The following PTK7 variants were observed in gnomAD, a reference collection of about 807,000 sequenced individuals.
PTK7 encodes the protein inactive tyrosine-protein kinase 7.
Under a neutral mutation model 116.6 loss-of-function variants are expected in PTK7, and 39 were observed. That is an observed-to-expected ratio of 0.33 (90% CI 0.26 to 0.44). The LOEUF (loss-of-function observed/expected upper bound fraction) is 0.44, where lower values mean the gene tolerates loss of function less well. PTK7 is among the 20% of genes least tolerant of loss of function. The probability of loss-of-function intolerance (pLI) is 1.00; values close to 1 mark genes in which losing one functional copy is unlikely to be tolerated. For synonymous variants in PTK7, 546 were observed against 563.6 expected, an observed-to-expected ratio of 0.97 and a Z score of 0.44; for missense variants, 1,169 against 1,425.6, an observed-to-expected ratio of 0.82 and a Z score of 2.90.
At chr6:43,095,457 GT>G (rs774038955) in intron 1 of PTK7, among the ~76,000 whole-genome samples, 56 of 146,238 alleles carry the variant, frequency 3.8e-4, no homozygotes, top group Non-Finnish European at 7.5e-4. Flanking sequence ...CCTTCTACCT[GT>G]TCACTTCTGT....
intron 17 of PTK7, among the ~76,000 whole-genome samples, chr6:43,149,723 T>A (rs1444419704): frequency 6.6e-6 from 1 of 152,230 alleles, no homozygotes; most frequent in Non-Finnish European, 1.5e-5. Context: ...TTACTCATGA[T>A]CTGGTGTGCA....
In PTK7 at chr6:43,160,892, C is replaced by G; in HGVS notation, c.*11C>G. ...GACAGCAAGCCGTGAGGAGGGAGCC[C>G]GCTCAGGATGGCCTGGGCAGGGGAG... On this transcript the variant is annotated 3_prime_UTR_variant, in exon 20 of 20. Coordinates refer to ENST00000230419, the MANE Select transcript of PTK7 (RefSeq NM_002821.5). The G allele has an allele frequency of 6.2e-7, 1 of 1,612,982 alleles. No individual in the cohort carries two copies. The highest frequency in any genetic ancestry group is 8.5e-7 in the Non-Finnish European group (1 of 1,179,738).
rs747878503 is a variant in PTK7, at chr6:43,146,707, A to G, written c.2721+9A>G. 6.2e-7 allele frequency: 1 copy of G among 1,610,782 alleles called. No individual in the cohort carries two copies. On this transcript the variant is annotated intron_variant, in intron 17 of 19. Coordinates refer to ENST00000230419, the MANE Select transcript of PTK7 (RefSeq NM_002821.5). ...TCAGCACCAAGCAGAAGGTGAGGAC[A>G]GGGAGTGAAGGAGGGAGGGAGAGGG...
chr6:43,151,282 G>T (rs1309279387), intron 17 of PTK7, among the ~76,000 whole-genome samples: 1 of 146,566 alleles, frequency 6.8e-6, no homozygotes, highest in East Asian at 2.0e-4. Context: ...AGTGATCTCT[G>T]CTCACTGCAA....
At position 43,143,379 on chromosome 6, in the gene PTK7, T is replaced by C; in HGVS notation, c.2048-38T>C. ...GTAGAGAAGCAGGGCTTCTTTTGCT[T>C]AGCAGCCCCTGCCCAGACCCATCTG... On this transcript the variant is annotated intron_variant, in intron 13 of 19. Transcript: ENST00000230419. The surrounding 1 kb of genome is among the most constrained non-coding windows in gnomAD (Gnocchi z 4.2). The C allele has an allele frequency of 6.3e-7, 1 of 1,589,414 alleles. No homozygotes were observed. Among genetic ancestry groups the C allele is most frequent in the African/African-American group, 1.4e-5 (1 of 73,768 alleles).
chr6:43,143,400 A>ATCTGTGTG lies in PTK7; in HGVS notation c.2048-13_2048-6dup. On this transcript the variant is annotated splice_polypyrimidine_tract_variant and intron_variant, in intron 13 of 19. Coordinates refer to ENST00000230419, the MANE Select transcript of PTK7 (RefSeq NM_002821.5). This position sits in a 1 kb window ranked among gnomAD's most constrained non-coding sequence, Gnocchi z 4.2. ...TGCTTAGCAGCCCCTGCCCAGACCC[A>ATCTGTGTG]TCTGTGTGTCTCTCAGACAAGCCTG... 1 of 1,612,496 alleles carries ATCTGTGTG rather than the reference A, an allele frequency of 6.2e-7. No individual in the cohort carries two copies. The highest frequency in any genetic ancestry group is 8.5e-7 in the Non-Finnish European group (1 of 1,179,458).
Position 43,104,836 on chromosome 6 carries a change from G to A in PTK7, c.80-24141G>A, listed in dbSNP as rs371752904. On this transcript the variant is annotated intron_variant, in intron 1 of 19. Transcript: ENST00000230419. ...TTTTTTTTTTTTTTTTTTTTGAGACGGAGTCTCACTCTGTCGCCCAGGCTG... is the reference window on the plus strand; with the variant it reads ...TTTTTTTTTTTTTTTTTTTTGAGACAGAGTCTCACTCTGTCGCCCAGGCTG... Among the ~76,000 whole-genome samples, 89 of 129,538 alleles carry A rather than the reference G, an allele frequency of 6.9e-4. 1 individual carries two copies. The highest frequency in any genetic ancestry group is 3.0e-3 in the Admixed American group (36 of 12,024). The allele number at this position is 129,538 out of a possible 152,430, so 85.0% of individuals were successfully genotyped here.
At position 43,145,397 on chromosome 6, in the gene PTK7, G is replaced by C; in HGVS notation, c.2605G>C (p.Glu869Gln). 1 of 1,608,864 alleles carries C rather than the reference G, an allele frequency of 6.2e-7. No homozygotes were observed. The highest frequency in any genetic ancestry group is 8.5e-7 in the Non-Finnish European group (1 of 1,177,016). Residue 869 changes from glutamate (E) to glutamine (Q), a missense_variant, in exon 16 of 20, where the codon GAG (glutamate) becomes CAG (glutamine). Around this residue, in one of 3 missense-constraint regions of PTK7, gnomAD observed 678 missense variants for 853.8 expected, o/e 0.79. Coordinates refer to ENST00000230419, the MANE Select transcript of PTK7 (RefSeq NM_002821.5). This position sits in a 1 kb window ranked among gnomAD's most constrained non-coding sequence, Gnocchi z 4.8. The stretch of plus-strand genomic sequence containing the variant: ...GCTCCTGGGGCTGTGCCGGGAGGCT[G>C]AGCCCCACTACATGGTGCTGGAATA... ...VRLLGLCREA[E>Q]PHYMVLEYVD...
rs1381484059 is a variant in PTK7, at chr6:43,139,555, C to T, written c.1618+30C>T. ...GTACAGTGCCGGCATAGGGTAGGGG[C>T]AGGCAGGCAGTTCACTGATCAGATA... On this transcript the variant is annotated intron_variant, in intron 10 of 19. Transcript: ENST00000230419. This position sits in a 1 kb window ranked among gnomAD's most constrained non-coding sequence, Gnocchi z 4.6. 5.0e-6 allele frequency: 8 copies of T among 1,612,388 alleles called. No homozygotes were observed. Among genetic ancestry groups the T allele is most frequent in the Non-Finnish European group, 6.8e-6 (8 of 1,179,464 alleles).
rs112390517 is a variant in PTK7 at position 43,124,395 on chromosome 6, C to T, written c.80-4582C>T. ...TGTCTGCTTCCCCAAAACAAAACAG[C>T]GGACCAAAGCCAGGCACAGTGGCTC... On this transcript the variant is annotated intron_variant, in intron 1 of 19. Coordinates refer to ENST00000230419, the MANE Select transcript of PTK7 (RefSeq NM_002821.5). Among the ~76,000 whole-genome samples the T allele has an allele frequency of 1.8e-3, 270 of 152,284 alleles. 3 individuals are homozygous for T. The highest frequency in any genetic ancestry group is 5.9e-3 in the African/African-American group (246 of 41,556).
chr6:43,089,549 C>G (rs1191724547), intron 1 of PTK7, among the ~76,000 whole-genome samples: 1 of 152,236 alleles, frequency 6.6e-6, no homozygotes, highest in Non-Finnish European at 1.5e-5. Context: ...CTGTCGATCT[C>G]TTAATAGTTC....
chr6:43,109,171 T>C (rs908910431), intron 1 of PTK7, among the ~76,000 whole-genome samples: 3 of 152,196 alleles, frequency 2.0e-5, no homozygotes, highest in Non-Finnish European at 4.4e-5. Context: ...CATTGGCTGA[T>C]GGGAGCCTCT....
At chr6:43,158,729 T>C (rs1297170447) in intron 17 of PTK7, 88 bp from the exon 18 acceptor site, 3 of 1,400,888 alleles carry the variant, frequency 2.1e-6, no homozygotes, top group African/African-American at 1.4e-5. Flanking sequence ...ACACCAATAG[T>C]GTTGAAACGC....
intron 7 of PTK7, among the ~76,000 whole-genome samples, chr6:43,137,182 G>A (rs1227988779): frequency 6.6e-6 from 1 of 152,196 alleles, no homozygotes; most frequent in Non-Finnish European, 1.5e-5. Flanking sequence ...TCAGAAGATC[G>A]CTCTGGCTGT....
At chr6:43,110,636 C>T (rs532035950) in intron 1 of PTK7, among the ~76,000 whole-genome samples, 1 of 150,666 alleles carries the variant, frequency 6.6e-6, no homozygotes, top group African/African-American at 2.4e-5. Context: ...TTTTGAGCTC[C>T]TGTCCTCAGG....
chr6:43,155,579 G>A, intron 17 of PTK7, among the ~76,000 whole-genome samples: 1 of 126,002 alleles, frequency 7.9e-6, no homozygotes, highest in East Asian at 5.0e-4. Context: ...GGGAGGCGGA[G>A]TGGAGGTTGC....
Position 43,139,421 on chromosome 6 carries a change from C to T in PTK7, c.1514C>T (p.Thr505Ile). Residue 505 changes from threonine to isoleucine, a missense_variant, in exon 10 of 20, where the codon ACA becomes ATA. Physicochemically the swap from Thr to Ile is moderately conservative, Grantham distance 89. Transcript: ENST00000230419. This position sits in a 1 kb window ranked among gnomAD's most constrained non-coding sequence, Gnocchi z 4.6. ...RVQVLEKLKF[T>I]PPPQPQQCME... is the part of the protein sequence containing the mutation. ...GCTGAAACAGAAAAGCTCAAGTTCACACCACCACCCCAGCCACAGCAGTGC... is the reference window on the plus strand; with the variant it reads ...GCTGAAACAGAAAAGCTCAAGTTCATACCACCACCCCAGCCACAGCAGTGC... The T allele has an allele frequency of 1.2e-6, 2 of 1,614,246 alleles. No individual in the cohort carries two copies. Among genetic ancestry groups the T allele is most frequent in the Non-Finnish European group, 1.7e-6 (2 of 1,180,052 alleles).
chr6:43,129,963 C>G lies in PTK7; in HGVS notation c.470+134C>G. ...TTCCACCACCACAGTGCTCTTCACC[C>G]TGCCCTCCCCCAGATATTGCCCTAT... is the stretch of plus-strand genomic sequence containing the variant. On this transcript the variant is annotated intron_variant, in intron 3 of 19. Coordinates refer to ENST00000230419, the MANE Select transcript of PTK7 (RefSeq NM_002821.5). The surrounding 1 kb of genome is among the most constrained non-coding windows in gnomAD (Gnocchi z 4.5). 1 of 952,600 alleles carries G rather than the reference C, an allele frequency of 1.0e-6. No homozygotes were observed. The highest frequency in any genetic ancestry group is 1.6e-6 in the Non-Finnish European group (1 of 625,136). The allele number at this position is 952,600 out of a possible 1,614,324, so 59.0% of individuals were successfully genotyped here.
intron 1 of PTK7, among the ~76,000 whole-genome samples, chr6:43,094,313 C>T (rs1282531520): frequency 1.3e-5 from 2 of 152,080 alleles, no homozygotes; most frequent in South Asian, 2.1e-4. Flanking sequence ...CACCAGTTTT[C>T]CCCCTTCAGT....
Sources: allele counts gnomAD v4.1 joint callset (sites outside exome capture counted in the v4.1 genomes callset), GRCh38; gene constraint gnomAD v4.1.1; regional missense constraint gnomAD v4.1.1; non-coding constraint Gnocchi (gnomAD v3.1); transcripts MANE v1.5; gene names NCBI Gene and HGNC (gene_info 2026-07-23, HGNC 2026-07-21).